The following SPA17 variants were observed in gnomAD, a reference collection of about 807,000 sequenced individuals.
SPA17 encodes sperm surface protein Sp17.
In SPA17, 7 loss-of-function variants were observed where a neutral mutation model predicts 13.8. The ratio of observed to expected loss-of-function variants is 0.51; its 90% confidence interval spans 0.29 to 0.95. The LOEUF is 0.95. SPA17 is among the 40% of genes least tolerant of loss of function. The pLI, the probability that SPA17 is intolerant of heterozygous loss-of-function variation, is 0.08. For synonymous variants in SPA17, 61 were observed against 59.0 expected, an observed-to-expected ratio of 1.03 and a Z score of -0.16; for missense variants, 170 against 179.3, an observed-to-expected ratio of 0.95 and a Z score of 0.30.
At chr11:124,681,515 GC>G (rs1943530598) in intron 3 of SPA17, 56 bp downstream of exon 3, 86 of 1,342,394 alleles carry the variant, frequency 6.4e-5, no homozygotes, top group Non-Finnish European at 8.6e-5. Context: ...TCTACAGCTA[GC>G]AATTATTAGG....
At chr11:124,686,871 A>G (rs879550348) in intron 3 of SPA17, among the ~76,000 whole-genome samples, 6 of 152,218 alleles carry the variant, frequency 3.9e-5, no homozygotes, top group Non-Finnish European at 7.3e-5. Context: ...TTAACAATTA[A>G]AGGATGAACT....
At chr11:124,686,489 A>G (rs1943580257) in intron 3 of SPA17, among the ~76,000 whole-genome samples, 1 of 152,224 alleles carries the variant, frequency 6.6e-6, no homozygotes, top group Non-Finnish European at 1.5e-5. Context: ...CAGAATATAT[A>G]TTCTTTTCAT....
chr11:124,683,565 AT>A (rs1943547620), intron 3 of SPA17, among the ~76,000 whole-genome samples: 1 of 151,756 alleles, frequency 6.6e-6, no homozygotes, highest in Non-Finnish European at 1.5e-5. Context: ...TGATTCAACT[AT>A]ATGCTGCTAA....
chr11:124,680,544 GGGT>G (rs1943518210), intron 2 of SPA17, among the ~76,000 whole-genome samples: 1 of 152,156 alleles, frequency 6.6e-6, no homozygotes, highest in African/African-American at 2.4e-5. Context: ...CCCGTTTTCG[GGGT>G]CCTGATTTGA....
chr11:124,694,268 T>C (rs1943651667), intron 4 of SPA17, 35 bp from the exon 5 acceptor site: 2 of 1,595,052 alleles, frequency 1.3e-6, no homozygotes, highest in Non-Finnish European at 1.7e-6. Flanking sequence ...ACGCCATATT[T>C]AAAGAGTCTC....
chr11:124,674,154 T>G (rs1591400525), intron 1 of SPA17: 2 of 152,576 alleles, frequency 1.3e-5, no homozygotes, highest in Middle Eastern at 5.8e-3. Flanking sequence ...CCGCCCGCCC[T>G]CCTCTGCCCA....
At chr11:124,688,249 G>A (rs1432973290) in intron 3 of SPA17, among the ~76,000 whole-genome samples, 1 of 152,220 alleles carries the variant, frequency 6.6e-6, no homozygotes, top group Non-Finnish European at 1.5e-5. Flanking sequence ...CTGGCCTCAA[G>A]TGATCATCCT....
chr11:124,691,576 A>G (rs1943623546), intron 3 of SPA17, 120 bp from the exon 4 acceptor site: 1 of 476,390 alleles, frequency 2.1e-6, no homozygotes, highest in African/African-American at 2.0e-5. Flanking sequence ...AATACGTAGT[A>G]TTTAATTCCC....
intron 1 of SPA17, 185 bp from the exon 2 acceptor site, chr11:124,675,053 A>G (rs1469285060): frequency 7.8e-6 from 4 of 514,502 alleles, no homozygotes; most frequent in Non-Finnish European, 1.3e-5. Context: ...CTGTGTTTGT[A>G]TTATACTAAT....
intron 1 of SPA17, 66 bp from the exon 2 acceptor site, chr11:124,675,172 C>T (rs775452677): frequency 2.8e-4 from 400 of 1,445,946 alleles, no homozygotes; most frequent in Non-Finnish European, 3.5e-4. Flanking sequence ...AATTTGTTGG[C>T]ATAGTTGTGA....
At chr11:124,686,647 G>A (rs1398877182) in intron 3 of SPA17, among the ~76,000 whole-genome samples, 1 of 152,086 alleles carries the variant, frequency 6.6e-6, no homozygotes, top group African/African-American at 2.4e-5. Context: ...AGGAGCTTTG[G>A]AAATGATACA....
At chr11:124,674,914 C>G (rs1943439676) in intron 1 of SPA17, 1 of 162,906 alleles carries the variant, frequency 6.1e-6, no homozygotes, top group South Asian at 2.0e-4. Context: ...ATCATTCTCT[C>G]TAAATTCCTG....
chr11:124,691,847 G>C, intron 4 of SPA17, 65 bp downstream of exon 4: 1 of 1,021,770 alleles, frequency 9.8e-7, no homozygotes, highest in Non-Finnish European at 1.4e-6. Flanking sequence ...ATTTAAAACT[G>C]AACTCCAAAT....
chr11:124,692,682 A>G (rs973499678), intron 4 of SPA17, among the ~76,000 whole-genome samples: 2 of 152,212 alleles, frequency 1.3e-5, no homozygotes, highest in African/African-American at 4.8e-5. Flanking sequence ...GAATATTAAG[A>G]CCATGGCAAA....
intron 2 of SPA17, among the ~76,000 whole-genome samples, chr11:124,677,897 A>G (rs769547037): frequency 3.3e-5 from 5 of 152,276 alleles, no homozygotes; most frequent in Non-Finnish European, 7.3e-5. Flanking sequence ...AAACTAATGC[A>G]TAATAACAGA....
At chr11:124,693,794 A>G (rs1359234236) in intron 4 of SPA17, among the ~76,000 whole-genome samples, 1 of 152,204 alleles carries the variant, frequency 6.6e-6, no homozygotes, top group Non-Finnish European at 1.5e-5. Context: ...AAGTTCAACC[A>G]ACCCTGTTAA....
At chr11:124,690,630 G>C (rs1335243302) in intron 3 of SPA17, among the ~76,000 whole-genome samples, 1 of 151,938 alleles carries the variant, frequency 6.6e-6, no homozygotes, top group Non-Finnish European at 1.5e-5. Context: ...AAAAGAAAAA[G>C]AAGAAATTCA....
intron 3 of SPA17, among the ~76,000 whole-genome samples, chr11:124,684,654 C>T (rs1250596479): frequency 6.6e-6 from 1 of 152,164 alleles, no homozygotes; most frequent in Admixed American, 6.6e-5. Context: ...GAGGTTCGAA[C>T]TCTTTGGAGG....
At chr11:124,688,935 G>A (rs999860399) in intron 3 of SPA17, among the ~76,000 whole-genome samples, 15 of 152,112 alleles carry the variant, frequency 9.9e-5, no homozygotes, top group African/African-American at 2.9e-4. Flanking sequence ...TACAGTAACC[G>A]AAACAGCATA....
Sources: gnomAD v4.1 joint callset for allele counts (sites outside exome capture counted in the v4.1 genomes callset) on GRCh38, gnomAD v4.1.1 for gene constraint, MANE v1.5 for transcripts, NCBI Gene and HGNC (gene_info 2026-07-23, HGNC 2026-07-21) for gene names.